PHLDB2: variants seen among roughly 807,000 people sequenced by gnomAD.
PHLDB2 encodes the protein pleckstrin homology-like domain family B member 2.
Under a neutral mutation model 123.6 loss-of-function variants are expected in PHLDB2, and 71 were observed. The observed-to-expected ratio is 0.57, with a 90% confidence interval of 0.47 to 0.70. PHLDB2 has a LOEUF of 0.70. PHLDB2 is among the 30% of genes least tolerant of loss of function. PHLDB2 has a pLI of 0.00. For synonymous variants in PHLDB2, 547 were observed against 541.6 expected, an observed-to-expected ratio of 1.01 and a Z score of -0.14; for missense variants, 1,446 against 1,519.5, an observed-to-expected ratio of 0.95 and a Z score of 0.80.
chr3:111,812,153 A>G (rs576408486), intron 1 of PHLDB2, among the ~76,000 whole-genome samples: 27 of 152,318 alleles, frequency 1.8e-4, no homozygotes, highest in Admixed American at 1.2e-3. Context: ...TTTCAGGCAG[A>G]CAGATTTTTG....
At chr3:111,950,383 A>G (rs1019945133) in intron 10 of PHLDB2, among the ~76,000 whole-genome samples, 20 of 152,182 alleles carry the variant, frequency 1.3e-4, no homozygotes, top group African/African-American at 4.6e-4. Flanking sequence ...GTATCTCTTT[A>G]CATCCTTCTA....
chr3:111,949,706 G>A (rs1010928999), intron 10 of PHLDB2: 6 of 984,578 alleles, frequency 6.1e-6, no homozygotes, highest in Non-Finnish European at 7.2e-6. Flanking sequence ...ATAAAGCAAA[G>A]ATCACCTGTC....
chr3:111,836,913 G>A (rs2063435884), intron 1 of PHLDB2, among the ~76,000 whole-genome samples: 1 of 152,128 alleles, frequency 6.6e-6, no homozygotes, highest in South Asian at 2.1e-4. Context: ...AGATTTGGGT[G>A]GGACACAGAG....
At chr3:111,878,094 CAATG>C (rs1196252651) in intron 1 of PHLDB2, among the ~76,000 whole-genome samples, 1 of 152,116 alleles carries the variant, frequency 6.6e-6, no homozygotes, top group African/African-American at 2.4e-5. Context: ...TGAAGAAAGT[CAATG>C]GTAGCTTGAT....
chr3:111,759,126 T>TC (rs1457377981), intron 1 of PHLDB2, among the ~76,000 whole-genome samples: 1 of 152,062 alleles, frequency 6.6e-6, no homozygotes, highest in African/African-American at 2.4e-5. Flanking sequence ...ATATCTTTTT[T>TC]TTTTTTCAAT....
At chr3:111,822,846 A>G (rs980717077) in intron 1 of PHLDB2, among the ~76,000 whole-genome samples, 6 of 152,070 alleles carry the variant, frequency 3.9e-5, no homozygotes, top group African/African-American at 1.2e-4. Context: ...TCTATAAATC[A>G]TGAAAGTCCT....
intron 6 of PHLDB2, among the ~76,000 whole-genome samples, chr3:111,936,497 ATATAC>A (rs1233505536): frequency 6.6e-6 from 1 of 152,224 alleles, no homozygotes; most frequent in Non-Finnish European, 1.5e-5. Context: ...ATGTAAGTTT[ATATAC>A]ACACATTTTG....
chr3:111,933,137 C>T (rs1365738328), intron 6 of PHLDB2, among the ~76,000 whole-genome samples: 1 of 152,224 alleles, frequency 6.6e-6, no homozygotes, highest in East Asian at 1.9e-4. Flanking sequence ...CTTAATATTT[C>T]ATAGCCTCTT....
intron 1 of PHLDB2, among the ~76,000 whole-genome samples, chr3:111,836,425 T>C (rs2063398654): frequency 6.6e-6 from 1 of 152,136 alleles, no homozygotes; most frequent in African/African-American, 2.4e-5. Flanking sequence ...TACAGAGATA[T>C]GTTAAGTTTG....
chr3:111,875,721 G>T (rs1055906472), intron 1 of PHLDB2, among the ~76,000 whole-genome samples: 1 of 151,430 alleles, frequency 6.6e-6, no homozygotes, highest in Non-Finnish European at 1.5e-5. Flanking sequence ...TACTGGGGAG[G>T]CTGAGGCAGG....
At chr3:111,830,623 A>C (rs960326937) in intron 1 of PHLDB2, among the ~76,000 whole-genome samples, 19 of 149,356 alleles carry the variant, frequency 1.3e-4, no homozygotes, top group Non-Finnish European at 2.4e-4. Context: ...TCCCGGCTAA[A>C]ACGGTGAAAC....
chr3:111,945,184 G>A (rs979134239), intron 8 of PHLDB2, 84 bp from the exon 9 acceptor site: 3 of 878,842 alleles, frequency 3.4e-6, no homozygotes, highest in Admixed American at 4.5e-5. Flanking sequence ...AGAATCTGAT[G>A]TTAGTCTCTA....
intron 2 of PHLDB2, among the ~76,000 whole-genome samples, chr3:111,903,269 T>A (rs2067305517): frequency 1.3e-5 from 2 of 152,230 alleles, no homozygotes; most frequent in Admixed American, 1.3e-4. Context: ...AAGGGTGAAG[T>A]ATGTGTCCTT....
intron 2 of PHLDB2, among the ~76,000 whole-genome samples, chr3:111,911,358 GAGATTCGCCTCTAATAT>G (rs1052233056): frequency 6.6e-6 from 1 of 152,192 alleles, no homozygotes; most frequent in African/African-American, 2.4e-5. Flanking sequence ...CTTTCCTTCA[GAGATTCGCCTCTAATAT>G]AGATGCTATT....
chr3:111,894,946 G>GTGTGTA (rs2066735089), intron 2 of PHLDB2, among the ~76,000 whole-genome samples: 1 of 151,544 alleles, frequency 6.6e-6, no homozygotes. Flanking sequence ...GTGTGTGTGT[G>GTGTGTA]TGTATGTATG....
chr3:111,965,740 C>T (rs1275957842), intron 13 of PHLDB2, among the ~76,000 whole-genome samples: 4 of 152,162 alleles, frequency 2.6e-5, no homozygotes, highest in African/African-American at 9.7e-5. Context: ...GCTGAAACAG[C>T]AAAGTAAATA....
At chr3:111,955,093 T>G (rs2070960981) in intron 12 of PHLDB2, among the ~76,000 whole-genome samples, 1 of 150,218 alleles carries the variant, frequency 6.7e-6, no homozygotes, top group African/African-American at 2.4e-5. Context: ...TACATATACA[T>G]ACATAAATTT....
chr3:111,951,294 A>G (rs1577174254), intron 10 of PHLDB2, among the ~76,000 whole-genome samples: 1 of 152,156 alleles, frequency 6.6e-6, no homozygotes, highest in Non-Finnish European at 1.5e-5. Context: ...TAGATTTCTC[A>G]TCTGTAATAT....
intron 2 of PHLDB2, among the ~76,000 whole-genome samples, chr3:111,905,327 T>C (rs2067446138): frequency 6.6e-6 from 1 of 152,048 alleles, no homozygotes; most frequent in East Asian, 1.9e-4. Flanking sequence ...TGTCAAGAGA[T>C]TGGCTTTCTG....
Sources: allele counts gnomAD v4.1 joint callset (sites outside exome capture counted in the v4.1 genomes callset), GRCh38; gene constraint gnomAD v4.1.1; transcripts MANE v1.5; gene names NCBI Gene and HGNC (gene_info 2026-07-23, HGNC 2026-07-21).